Variants in ANTXR2 observed in about 807,000 individuals in gnomAD.
ANTXR2 encodes anthrax toxin receptor 2.
Under a neutral mutation model 73.7 loss-of-function variants are expected in ANTXR2, and 44 were observed. That is an observed-to-expected ratio of 0.60 (90% CI 0.47 to 0.77). The LOEUF (loss-of-function observed/expected upper bound fraction) is 0.77, where lower values mean the gene tolerates loss of function less well. ANTXR2 is among the 30% of genes least tolerant of loss of function. The probability of loss-of-function intolerance (pLI) is 0.00; values close to 1 mark genes in which losing one functional copy is unlikely to be tolerated. For synonymous variants in ANTXR2, 217 were observed against 205.9 expected (o/e 1.05, Z -0.46); for missense variants, 604 against 592.5 (o/e 1.02, Z -0.20).
chr4:79,947,508 C>T (rs1728560838), intron 16 of ANTXR2, among the ~76,000 whole-genome samples: 1 of 152,118 alleles, frequency 6.6e-6, no homozygotes, highest in Admixed American at 6.6e-5. Context: ...GACCTATAGC[C>T]TCCAATCACC....
intron 16 of ANTXR2, among the ~76,000 whole-genome samples, chr4:79,944,856 G>A (rs929664797): frequency 2.0e-5 from 3 of 152,062 alleles, no homozygotes; most frequent in South Asian, 2.1e-4. Flanking sequence ...ACAAAGTGAC[G>A]CCTGCGAACA....
intron 16 of ANTXR2, among the ~76,000 whole-genome samples, chr4:79,955,771 T>C (rs1446574129): frequency 2.0e-5 from 3 of 152,200 alleles, no homozygotes; most frequent in African/African-American, 4.8e-5. Context: ...CTGAAGCTGA[T>C]AAATGACAGT....
rs71662888 is a variant in ANTXR2 at position 79,993,760 on chromosome 4, G to GCGCACACACACACACA, written c.1042-8898_1042-8897insTGTGTGTGTGTGTGCG. Among the ~76,000 whole-genome samples the GCGCACACACACACACA allele has an allele frequency of 1.9e-3, 274 of 140,758 alleles. 2 individuals are homozygous for GCGCACACACACACACA. Among genetic ancestry groups the GCGCACACACACACACA allele is most frequent in the African/African-American group, 4.4e-3 (173 of 39,068 alleles). The allele number at this position is 140,758 out of a possible 152,430, so 92.3% of individuals were successfully genotyped here. On this transcript the variant is annotated intron_variant, in intron 12 of 16. Transcript: ENST00000403729. The stretch of plus-strand genomic sequence containing the variant: ...GGCAATACACCACACACACACACAC[G>GCGCACACACACACACA]CACACACACACACACACACACACAT...
At chr4:79,918,307 C>A (rs1356884625) in intron 16 of ANTXR2, among the ~76,000 whole-genome samples, 1 of 151,934 alleles carries the variant, frequency 6.6e-6, no homozygotes, top group African/African-American at 2.4e-5. Flanking sequence ...AATAAATGCT[C>A]AGAACTTCCT....
rs1300984854 is a variant in ANTXR2, at chr4:79,904,738, T to C, written c.*2691A>G. On this transcript the variant is annotated 3_prime_UTR_variant, in exon 17 of 17. Transcript: ENST00000403729. ...ACGAATGGATTATGTGCAAGACTTATTCATTTTTACACAGAAAGTAGATCT... is the reference window on the plus strand; with the variant it reads ...ACGAATGGATTATGTGCAAGACTTACTCATTTTTACACAGAAAGTAGATCT... The C allele has an allele frequency of 2.0e-5, 3 of 152,184 alleles. No individual in the cohort carries two copies. The highest frequency in any genetic ancestry group is 4.1e-4 in the South Asian group (2 of 4,830). 9.4% of individuals were successfully genotyped at this position (152,184 alleles called of 1,614,324 possible).
intron 16 of ANTXR2, among the ~76,000 whole-genome samples, chr4:79,927,258 G>A (rs576882772): frequency 6.6e-6 from 1 of 150,724 alleles, no homozygotes; most frequent in East Asian, 2.0e-4. Flanking sequence ...TCATATATTG[G>A]AAATTAGCAA....
At chr4:80,008,664 T>C in intron 11 of ANTXR2, 48 bp from the exon 12 acceptor site, 1 of 1,231,100 alleles carries the variant, frequency 8.1e-7, no homozygotes, top group Non-Finnish European at 1.1e-6. Flanking sequence ...CAGCTTATGG[T>C]CAAATTCCAA....
At chr4:80,054,460 T>G in intron 6 of ANTXR2, 108 bp from the exon 7 acceptor site, 1 of 761,732 alleles carries the variant, frequency 1.3e-6, no homozygotes, top group African/African-American at 1.8e-5. Context: ...CCCCACAGGA[T>G]TAATTTACCA....
At chr4:80,033,703 G>T (rs1044273685) in intron 8 of ANTXR2, 133 bp from the exon 9 acceptor site, 14 of 644,428 alleles carry the variant, frequency 2.2e-5, no homozygotes, top group Non-Finnish European at 3.4e-5. Context: ...TAGCAATGAA[G>T]ACATAGCTCT....
intron 16 of ANTXR2, among the ~76,000 whole-genome samples, chr4:79,934,719 G>A (rs1728191176): frequency 6.6e-6 from 1 of 152,018 alleles, no homozygotes; most frequent in South Asian, 2.1e-4. Flanking sequence ...GAAACGCCAT[G>A]CATTGCTACT....
chr4:79,933,423 T>C (rs372276117), intron 16 of ANTXR2, among the ~76,000 whole-genome samples: 109 of 152,348 alleles, frequency 7.2e-4, no homozygotes, highest in African/African-American at 2.5e-3. Flanking sequence ...TAGTTATTTG[T>C]ATGCTTTACC....
At chr4:79,931,449 T>TTCTTCTC (rs1728050980) in intron 16 of ANTXR2, among the ~76,000 whole-genome samples, 1 of 134,088 alleles carries the variant, frequency 7.5e-6, no homozygotes, top group Non-Finnish European at 1.5e-5. Context: ...TCCTCGCTTC[T>TTCTTCTC]TCTCTCTCTC....
At chr4:80,021,149 C>CAAAAAAAA (rs35390197) in intron 10 of ANTXR2, among the ~76,000 whole-genome samples, 1 of 60,626 alleles carries the variant, frequency 1.6e-5, no homozygotes, top group Non-Finnish European at 2.8e-5. Context: ...GACTCCATCT[C>CAAAAAAAA]AAAAAAAAAA....
chr4:79,966,931 T>C (rs1367960232), intron 16 of ANTXR2, among the ~76,000 whole-genome samples: 2 of 24,350 alleles, frequency 8.2e-5, no homozygotes, highest in Non-Finnish European at 2.1e-4. Flanking sequence ...GATGGCCGAA[T>C]AGGAACAGCT....
At chr4:80,057,614 A>G (rs928115092) in intron 3 of ANTXR2, among the ~76,000 whole-genome samples, 1 of 151,926 alleles carries the variant, frequency 6.6e-6, no homozygotes, top group Non-Finnish European at 1.5e-5. Flanking sequence ...AAGTCTACCT[A>G]TTCTGAACCA....
intron 12 of ANTXR2, among the ~76,000 whole-genome samples, chr4:79,999,114 G>T (rs1296080749): frequency 6.6e-6 from 1 of 151,956 alleles, no homozygotes; most frequent in Non-Finnish European, 1.5e-5. Flanking sequence ...ATCTTCTATG[G>T]CAGGAGTTTT....
intron 11 of ANTXR2, among the ~76,000 whole-genome samples, chr4:80,016,071 G>A (rs1560994437): frequency 6.6e-6 from 1 of 151,834 alleles, no homozygotes; most frequent in African/African-American, 2.4e-5. Context: ...AATTAAAATA[G>A]GACAAAGAAC....
At chr4:79,910,965 C>T (rs183860000) in intron 16 of ANTXR2, among the ~76,000 whole-genome samples, 3 of 136,066 alleles carry the variant, frequency 2.2e-5, no homozygotes, top group East Asian at 2.0e-4. Context: ...TGCTGCCATC[C>T]GCTTACCAGA....
chr4:79,960,632 CTGTT>C (rs956675948), intron 16 of ANTXR2, among the ~76,000 whole-genome samples: 11 of 151,860 alleles, frequency 7.2e-5, no homozygotes, highest in Non-Finnish European at 1.3e-4. Context: ...TCCTTATTTT[CTGTT>C]TCCTTCTCTC....
Sources: allele counts gnomAD v4.1 joint callset (sites outside exome capture counted in the v4.1 genomes callset), GRCh38; gene constraint gnomAD v4.1.1; transcripts MANE v1.5; gene names NCBI Gene and HGNC (gene_info 2026-07-23, HGNC 2026-07-21).